NXPE2: variants seen among roughly 807,000 people sequenced by gnomAD.
The protein encoded by NXPE2 is neurexophilin and PC-esterase domain family member 2.
A neutral mutation model predicts 34.4 loss-of-function variants in NXPE2; 34 were observed. The observed-to-expected ratio is 0.99, with a 90% CI of 0.75 to 1.31. The LOEUF (loss-of-function observed/expected upper bound fraction) is 1.31, where lower values mean the gene tolerates loss of function less well. Ranked by LOEUF, NXPE2 falls within the 40% of genes most tolerant of loss-of-function variation. The pLI, the probability that NXPE2 is intolerant of heterozygous loss-of-function variation, is 0.00. For missense variants in NXPE2, 649 were observed against 672.5 expected (o/e 0.97, Z 0.39); for synonymous variants, 235 against 231.3 (o/e 1.02, Z -0.15).
chr11:114,713,865 A>C, the NXPE2 span, among the ~76,000 whole-genome samples: 1,635 of 152,330 alleles, frequency 0.011, 26 homozygotes, highest in African/African-American at 0.038. Flanking sequence ...CATGGATCGC[A>C]AAATAATTTG....
the NXPE2 span, among the ~76,000 whole-genome samples, chr11:114,610,660 G>T: frequency 4.6e-5 from 7 of 151,688 alleles, no homozygotes; most frequent in Admixed American, 4.6e-4. Flanking sequence ...GTTAACCGGT[G>T]GATAATACAT....
At chr11:114,493,910 C>T in the NXPE2 span, among the ~76,000 whole-genome samples, 1 of 152,110 alleles carries the variant, frequency 6.6e-6, no homozygotes, top group African/African-American at 2.4e-5. Flanking sequence ...TGAAATCCTT[C>T]AGCTTTTGTT....
the NXPE2 span, among the ~76,000 whole-genome samples, chr11:114,729,635 A>T: frequency 6.6e-6 from 1 of 151,872 alleles, no homozygotes; most frequent in Non-Finnish European, 1.5e-5. Flanking sequence ...TGTGGTTTTG[A>T]TTTGTATTTC....
chr11:114,648,916 CTTATG>C, the NXPE2 span, among the ~76,000 whole-genome samples: 1 of 150,496 alleles, frequency 6.6e-6, no homozygotes, highest in Non-Finnish European at 1.5e-5. Context: ...GTCAATACAT[CTTATG>C]TTATATGATA....
chr11:114,792,786 G>A, the NXPE2 span, among the ~76,000 whole-genome samples: 2 of 152,158 alleles, frequency 1.3e-5, no homozygotes, highest in Non-Finnish European at 2.9e-5. Context: ...GCCATTAATT[G>A]ATTCTGCTAA....
the NXPE2 span, among the ~76,000 whole-genome samples, chr11:114,537,377 G>T: frequency 6.6e-6 from 1 of 152,154 alleles, no homozygotes; most frequent in South Asian, 2.1e-4. Context: ...GCACAAGACA[G>T]GGATGCCCTC....
the NXPE2 span, among the ~76,000 whole-genome samples, chr11:114,617,585 G>T: frequency 1.7e-4 from 26 of 152,138 alleles, no homozygotes; most frequent in Non-Finnish European, 3.5e-4. Flanking sequence ...GGTAACCGGT[G>T]TTACCCGGTG....
chr11:114,580,024 A>G, the NXPE2 span: 2 of 978,844 alleles, frequency 2.0e-6, no homozygotes, highest in Non-Finnish European at 3.2e-6. Flanking sequence ...GTGTGTTGTG[A>G]TTGAAGAATA....
At chr11:114,538,436 A>G in the NXPE2 span, among the ~76,000 whole-genome samples, 2 of 152,194 alleles carry the variant, frequency 1.3e-5, no homozygotes, top group African/African-American at 2.4e-5. Context: ...AATGGGATCT[A>G]ATTAAACTAA....
the NXPE2 span, among the ~76,000 whole-genome samples, chr11:114,599,591 A>G: frequency 2.6e-5 from 4 of 152,302 alleles, no homozygotes; most frequent in African/African-American, 9.6e-5. Context: ...TCCACAGGCT[A>G]TACAGGGAGC....
At chr11:114,715,893 C>A in the NXPE2 span, among the ~76,000 whole-genome samples, 516 of 152,262 alleles carry the variant, frequency 3.4e-3, 12 homozygotes, top group Admixed American at 4.1e-3. Context: ...CCACAACCAC[C>A]TAAGTAGCTG....
At chr11:114,699,718 C>A (rs1357173075) in intron 3 of NXPE2, among the ~76,000 whole-genome samples, 3 of 152,102 alleles carry the variant, frequency 2.0e-5, no homozygotes, top group African/African-American at 7.2e-5. Flanking sequence ...TATTAATTTT[C>A]CAGTATATTT....
At chr11:114,802,863 A>C in the NXPE2 span, among the ~76,000 whole-genome samples, 3 of 151,720 alleles carry the variant, frequency 2.0e-5, no homozygotes, top group Non-Finnish European at 2.9e-5. Flanking sequence ...CAACAATTAT[A>C]CTGGAAAGTA....
At chr11:114,474,308 G>A in the NXPE2 span, among the ~76,000 whole-genome samples, 2 of 152,152 alleles carry the variant, frequency 1.3e-5, no homozygotes, top group Non-Finnish European at 2.9e-5. Flanking sequence ...AGATCCAAAG[G>A]TTGAGCCCCA....
At chr11:114,645,408 C>A in the NXPE2 span, among the ~76,000 whole-genome samples, 1 of 151,836 alleles carries the variant, frequency 6.6e-6, no homozygotes, top group African/African-American at 2.4e-5. Flanking sequence ...TGTGAAAAGG[C>A]GAACTTTAAA....
chr11:114,808,433 T>G, the NXPE2 span, among the ~76,000 whole-genome samples: 2 of 149,214 alleles, frequency 1.3e-5, no homozygotes, highest in East Asian at 3.9e-4. Flanking sequence ...TCAACAAAAT[T>G]GATAGGCTGC....
chr11:114,639,854 A>ATATATTATATTAAATATAAAATATAATC, the NXPE2 span, among the ~76,000 whole-genome samples: 1 of 90,644 alleles, frequency 1.1e-5, no homozygotes, highest in Non-Finnish European at 1.9e-5. Flanking sequence ...AAAATATAAT[A>ATATATTATATTAAATATAAAATATAATC]TATATTATAT....
chr11:114,558,255 CTTT>C, the NXPE2 span, among the ~76,000 whole-genome samples: 3 of 151,564 alleles, frequency 2.0e-5, no homozygotes, highest in Admixed American at 1.3e-4. Flanking sequence ...ATATGTTTTT[CTTT>C]TTATTTCATT....
chr11:114,477,057 A>G, the NXPE2 span, among the ~76,000 whole-genome samples: 1 of 152,218 alleles, frequency 6.6e-6, no homozygotes, highest in Non-Finnish European at 1.5e-5. Context: ...AGAAATGACC[A>G]AAATGTCCTT....
Sources: allele counts gnomAD v4.1 joint callset (sites outside exome capture counted in the v4.1 genomes callset), GRCh38; gene constraint gnomAD v4.1.1; transcripts MANE v1.5; gene names NCBI Gene and HGNC (gene_info 2026-07-23, HGNC 2026-07-21).